Variants in PSTPIP1 observed in about 807,000 individuals in gnomAD.
PSTPIP1 encodes the protein proline-serine-threonine phosphatase interacting protein 1.
A neutral mutation model predicts 69.6 loss-of-function variants in PSTPIP1; 66 were observed. The ratio of observed to expected loss-of-function variants is 0.95; its 90% confidence interval spans 0.78 to 1.16. PSTPIP1 has a LOEUF of 1.16. PSTPIP1 is among the 50% of genes most tolerant of loss of function. The pLI is 0.00. For synonymous variants in PSTPIP1, 266 were observed against 222.7 expected (o/e 1.19, Z -1.73); for missense variants, 603 against 557.4 (o/e 1.08, Z -0.82).
Position 77,029,719 on chromosome 15 carries a change from A to G in PSTPIP1, c.562+145A>G, listed in dbSNP as rs2076371234. On this transcript the variant is annotated intron_variant, in intron 8 of 14. Transcript: ENST00000558012. Reference sequence around the variant, plus strand: ...GCTCTCATTCCAGATATGTGCCGTCAAAGTAAACGCTGTGTTCCCCCATTC... The same window carrying G: ...GCTCTCATTCCAGATATGTGCCGTCGAAGTAAACGCTGTGTTCCCCCATTC... 4 of 1,004,354 alleles carry G rather than the reference A, an allele frequency of 4.0e-6. No homozygotes were observed. In the African/African-American group the frequency reaches 4.9e-5, roughly 12 times the overall value. The allele number at this position is 1,004,354 out of a possible 1,614,324, so 62.2% of individuals were successfully genotyped here. A position where few individuals can be genotyped will look rare whatever the true frequency, so the allele number is the denominator to read the frequency against.
chr15:77,037,007 G>C, intron 14 of PSTPIP1, 38 bp from the exon 15 acceptor site: 2 of 1,602,152 alleles, frequency 1.2e-6, no homozygotes, highest in Non-Finnish European at 1.7e-6. Flanking sequence ...TTCCCTGCAG[G>C]CCCTTCCAAC....
intron 1 of PSTPIP1, 137 bp downstream of exon 1, chr15:76,995,746 C>T: frequency 2.0e-6 from 3 of 1,495,856 alleles, no homozygotes; most frequent in Non-Finnish European, 2.7e-6. Context: ...TCTTAATTGT[C>T]ATGGAGGTGG....
Position 77,037,181 on chromosome 15 carries a change from G to A in PSTPIP1, c.*5G>A, listed in dbSNP as rs1213540974. The A allele has an allele frequency of 6.3e-7, 1 of 1,598,306 alleles. No homozygotes were observed. Among genetic ancestry groups the A allele is most frequent in the South Asian group, 1.1e-5 (1 of 89,616 alleles). On this transcript the variant is annotated 3_prime_UTR_variant, in exon 15 of 15. Transcript: ENST00000558012. ...TCCTACCTGGAGAAGCTTTGAGGAA[G>A]GGCCAGGAGCCCCTTCGGACCTGCC...
chr15:77,015,823 C>T (rs1596078547), intron 1 of PSTPIP1: 2 of 425,776 alleles, frequency 4.7e-6, no homozygotes, highest in East Asian at 1.4e-4. Context: ...TTCCTCGGAA[C>T]ATCCCAGTCC....
chr15:77,026,362 C>T (rs2076281948), intron 5 of PSTPIP1, among the ~76,000 whole-genome samples: 1 of 152,146 alleles, frequency 6.6e-6, no homozygotes, highest in African/African-American at 2.4e-5. Flanking sequence ...CAGGGCAGCA[C>T]ACAGATCCGC....
intron 1 of PSTPIP1, among the ~76,000 whole-genome samples, chr15:77,008,533 C>T (rs1041202600): frequency 6.6e-6 from 1 of 152,138 alleles, no homozygotes; most frequent in Non-Finnish European, 1.5e-5. Context: ...CCTCAGCCTC[C>T]CGAGTAGCTG....
Position 77,027,742 on chromosome 15 carries a change from C to A in PSTPIP1, c.355-110C>A. ...GGGAGGGCAGCCTGTCACCCTCTCT[C>A]CAGAGCCAGGAGAGGTGCTGCGCCT... On this transcript the variant is annotated intron_variant, in intron 5 of 14. Coordinates refer to ENST00000558012, the MANE Select transcript of PSTPIP1 (RefSeq NM_003978.5). The surrounding 1 kb of genome is among the most constrained non-coding windows in gnomAD (Gnocchi z 4.3). 7.5e-7 allele frequency: 1 copy of A among 1,330,358 alleles called. No individual in the cohort carries two copies. The highest frequency in any genetic ancestry group is 1.1e-6 in the Non-Finnish European group (1 of 950,222). The allele number at this position is 1,330,358 out of a possible 1,614,324, so 82.4% of individuals were successfully genotyped here. A position where few individuals can be genotyped will look rare whatever the true frequency, so the allele number is the denominator to read the frequency against.
chr15:76,997,154 C>T (rs1007656954), intron 1 of PSTPIP1, among the ~76,000 whole-genome samples: 1 of 152,228 alleles, frequency 6.6e-6, no homozygotes, highest in African/African-American at 2.4e-5. Flanking sequence ...GCAGCCAGCC[C>T]CTGTGGAGCT....
chr15:77,021,173 T>C (rs2076152817), intron 3 of PSTPIP1, among the ~76,000 whole-genome samples: 1 of 152,210 alleles, frequency 6.6e-6, no homozygotes, highest in Non-Finnish European at 1.5e-5. Context: ...AGGTACTGCA[T>C]TTCTGCAGTC....
chr15:77,031,364 G>A (rs2076412673), intron 10 of PSTPIP1, 86 bp downstream of exon 10: 1 of 1,402,736 alleles, frequency 7.1e-7, no homozygotes, highest in Non-Finnish European at 1.0e-6. Flanking sequence ...CGGTCAACAA[G>A]CACCTGGTCC....
chr15:76,996,707 G>A (rs2075588662), intron 1 of PSTPIP1, among the ~76,000 whole-genome samples: 1 of 152,220 alleles, frequency 6.6e-6, no homozygotes, highest in Non-Finnish European at 1.5e-5. Context: ...AGGACCCCAC[G>A]TGGGGAGGGC....
At chr15:77,030,413 G>A (rs1000350378) in intron 8 of PSTPIP1, 89 bp from the exon 9 acceptor site, 11 of 1,370,696 alleles carry the variant, frequency 8.0e-6, no homozygotes, top group Non-Finnish European at 1.1e-5. Flanking sequence ...GGCTCCCAGT[G>A]GGAGGAGGCA....
chr15:77,012,644 G>T (rs747785719), intron 1 of PSTPIP1, among the ~76,000 whole-genome samples: 1 of 152,198 alleles, frequency 6.6e-6, no homozygotes, highest in Non-Finnish European at 1.5e-5. Context: ...ACTGTAGGGC[G>T]GTGGAAGGAG....
At chr15:77,009,349 T>C (rs1300925964) in intron 1 of PSTPIP1, among the ~76,000 whole-genome samples, 1 of 151,964 alleles carries the variant, frequency 6.6e-6, no homozygotes, top group Non-Finnish European at 1.5e-5. Context: ...CCCATCTCTG[T>C]CTCTTGAGCA....
At chr15:77,000,677 T>C (rs2075689157) in intron 1 of PSTPIP1, among the ~76,000 whole-genome samples, 1 of 152,108 alleles carries the variant, frequency 6.6e-6, no homozygotes, top group South Asian at 2.1e-4. Flanking sequence ...GCATATTGTG[T>C]ACATAATTTT....
chr15:77,031,052 T>A (rs114248616), intron 9 of PSTPIP1, 128 bp from the exon 10 acceptor site: 16 of 888,172 alleles, frequency 1.8e-5, no homozygotes, highest in South Asian at 4.6e-5. Context: ...GGGCACTCTC[T>A]CCTTTGGACT....
intron 1 of PSTPIP1, among the ~76,000 whole-genome samples, chr15:77,010,167 G>T (rs2075904419): frequency 6.6e-6 from 1 of 152,210 alleles, no homozygotes; most frequent in Admixed American, 6.5e-5. Context: ...GCCCACTGCT[G>T]GATCCTAGTG....
intron 3 of PSTPIP1, chr15:77,023,812 G>C (rs943883358): frequency 6.5e-6 from 1 of 152,780 alleles, no homozygotes; most frequent in Non-Finnish European, 1.5e-5. Flanking sequence ...TTGGGGGTGC[G>C]GGGACCACGC....
At chr15:77,025,254 C>G in intron 3 of PSTPIP1, 30 bp from the exon 4 acceptor site, 2 of 1,596,934 alleles carry the variant, frequency 1.3e-6, no homozygotes, top group Non-Finnish European at 1.7e-6. Flanking sequence ...GTGCTCTCCT[C>G]CTCCTGACCT....
Sources: gnomAD v4.1 joint callset for allele counts (sites outside exome capture counted in the v4.1 genomes callset) on GRCh38, gnomAD v4.1.1 for gene constraint, Gnocchi (gnomAD v3.1) non-coding constraint, MANE v1.5 for transcripts, NCBI Gene and HGNC (gene_info 2026-07-23, HGNC 2026-07-21) for gene names.